Variants in LZTS1 observed in about 807,000 individuals in gnomAD.
LZTS1 encodes the protein leucine zipper tumor suppressor 1.
Under a neutral mutation model 45.8 loss-of-function variants are expected in LZTS1, and 31 were observed. That is an observed-to-expected ratio of 0.68 (90% CI 0.51 to 0.91). The LOEUF is 0.91. Ranked by LOEUF, LZTS1 falls within the 40% of genes least tolerant of loss-of-function variation. LZTS1 has a pLI of 0.00. For synonymous variants in LZTS1, 359 were observed against 357.3 expected, an observed-to-expected ratio of 1.00 and a Z score of -0.05; for missense variants, 821 against 788.9, an observed-to-expected ratio of 1.04 and a Z score of -0.49.
At chr8:20,278,526 C>A (rs936570032) in intron 1 of LZTS1, among the ~76,000 whole-genome samples, 2 of 152,202 alleles carry the variant, frequency 1.3e-5, no homozygotes, top group African/African-American at 2.4e-5. Flanking sequence ...CTCTTACAAG[C>A]GTGCTTCACT....
chr8:20,248,322 A>G lies in LZTS1; in HGVS notation c.*1400T>C, dbSNP rs1178620819. 1 of 152,330 alleles carries G rather than the reference A, an allele frequency of 6.6e-6. No homozygotes were observed. Among genetic ancestry groups the G allele is most frequent in the Non-Finnish European group, 1.5e-5 (1 of 68,162 alleles). 9.4% of individuals were successfully genotyped at this position (152,330 alleles called of 1,614,324 possible). A position where few individuals can be genotyped will look rare whatever the true frequency, so the allele number is the denominator to read the frequency against. ...GGGACAGAGCAAGACCCTGTCTCAT[A>G]AAATTAAAAATAAAATCCCTGAACC... On this transcript the variant is annotated 3_prime_UTR_variant, in exon 4 of 4. Coordinates refer to ENST00000381569, the MANE Select transcript of LZTS1 (RefSeq NM_021020.5).
intron 1 of LZTS1, among the ~76,000 whole-genome samples, chr8:20,284,941 A>C (rs1800761255): frequency 6.6e-6 from 1 of 152,160 alleles, no homozygotes; most frequent in Admixed American, 6.5e-5. Flanking sequence ...AAAGGCTGTG[A>C]TCGAAACTGA....
intron 1 of LZTS1, among the ~76,000 whole-genome samples, chr8:20,268,081 G>T (rs145651294): frequency 1.1e-4 from 17 of 152,146 alleles, no homozygotes; most frequent in Admixed American, 2.0e-4. Flanking sequence ...AAATTATAGA[G>T]CAGTATGGAA....
chr8:20,288,758 G>A (rs940707559), intron 1 of LZTS1, among the ~76,000 whole-genome samples: 4 of 151,746 alleles, frequency 2.6e-5, no homozygotes, highest in Non-Finnish European at 4.4e-5. Flanking sequence ...CCAACTCTGC[G>A]CCCAACCTGC....
intron 1 of LZTS1, among the ~76,000 whole-genome samples, chr8:20,271,972 G>A (rs1319948390): frequency 6.6e-6 from 1 of 152,194 alleles, no homozygotes; most frequent in African/African-American, 2.4e-5. Context: ...CAGGTAGAAA[G>A]AACAGCCACT....
chr8:20,274,961 C>CTGTGTGTGTGTGTGTGTGTGTGTGTG (rs34482608), intron 1 of LZTS1, among the ~76,000 whole-genome samples: 1,523 of 125,674 alleles, frequency 0.012, 52 homozygotes, highest in African/African-American at 0.038. Flanking sequence ...TGCCATGATA[C>CTGTGTGTGTGTGTGTGTGTGTGTGTG]TGTGTGTGTG....
At chr8:20,275,146 A>G (rs1800553472) in intron 1 of LZTS1, among the ~76,000 whole-genome samples, 1 of 152,176 alleles carries the variant, frequency 6.6e-6, no homozygotes, top group Admixed American at 6.5e-5. Flanking sequence ...TCAAGCCTGT[A>G]ATCCCAGTAC....
chr8:20,298,351 C>T (rs147942520), intron 1 of LZTS1, among the ~76,000 whole-genome samples: 18 of 152,302 alleles, frequency 1.2e-4, no homozygotes, highest in East Asian at 3.9e-4. Flanking sequence ...CATGAGCCAC[C>T]GTGCCCAGCC....
At chr8:20,299,279 CA>C (rs1447440067) in intron 1 of LZTS1, among the ~76,000 whole-genome samples, 1 of 152,228 alleles carries the variant, frequency 6.6e-6, no homozygotes. Flanking sequence ...ATACCCTCCT[CA>C]GGTTCAACTT....
intron 1 of LZTS1, among the ~76,000 whole-genome samples, chr8:20,299,758 TC>T (rs147902794): frequency 0.012 from 1,862 of 152,138 alleles, 34 homozygotes; most frequent in African/African-American, 0.042. Context: ...CCAGATTACC[TC>T]CCCAAACATG....
chr8:20,292,726 C>G (rs1244488915), intron 1 of LZTS1, among the ~76,000 whole-genome samples: 1 of 152,132 alleles, frequency 6.6e-6, no homozygotes. Flanking sequence ...AACCTGCCTA[C>G]CATTGAGGTC....
intron 1 of LZTS1, among the ~76,000 whole-genome samples, chr8:20,285,704 C>T (rs1800780529): frequency 6.6e-6 from 1 of 152,136 alleles, no homozygotes; most frequent in African/African-American, 2.4e-5. Flanking sequence ...AGCTTAGATA[C>T]TAAAATGCAA....
intron 1 of LZTS1, among the ~76,000 whole-genome samples, chr8:20,287,646 A>C (rs12546414): frequency 0.36 from 54,404 of 151,838 alleles, 9,907 homozygotes; most frequent in Middle Eastern, 0.41. Context: ...GCTGCCCGGG[A>C]CCAGGCATGG....
chr8:20,271,106 G>A (rs1233892238), intron 1 of LZTS1, among the ~76,000 whole-genome samples: 2 of 152,114 alleles, frequency 1.3e-5, no homozygotes, highest in Non-Finnish European at 2.9e-5. Context: ...GCACAAGCCA[G>A]GAAGCCTGTG....
At chr8:20,267,227 C>T (rs531950200) in intron 1 of LZTS1, among the ~76,000 whole-genome samples, 2 of 152,180 alleles carry the variant, frequency 1.3e-5, no homozygotes, top group South Asian at 2.1e-4. Flanking sequence ...TTTCTGGCAT[C>T]GTCCTTGTGT....
chr8:20,266,017 C>G (rs999427831), intron 1 of LZTS1, among the ~76,000 whole-genome samples: 1 of 151,896 alleles, frequency 6.6e-6, no homozygotes, highest in Non-Finnish European at 1.5e-5. Flanking sequence ...ATAATAGATG[C>G]TCAACAATTT....
At position 20,253,245 on chromosome 8, in the gene LZTS1, G is replaced by A. The variant is rs539490732; in HGVS notation, c.686C>T (p.Ala229Val). The A allele has an allele frequency of 8.1e-6, 13 of 1,613,952 alleles. No individual in the cohort carries two copies. Among genetic ancestry groups the A allele is most frequent in the Non-Finnish European group, 1.1e-5 (13 of 1,180,050 alleles). Residue 229 changes from alanine to valine, a missense_variant, in exon 3 of 4, where the codon GCT becomes GTT. Physicochemically the swap from Ala to Val is moderately conservative, Grantham distance 64. Coordinates refer to ENST00000381569, the MANE Select transcript of LZTS1 (RefSeq NM_021020.5). Reference protein sequence around the residue: ...LQDSNMMSLKALSFSDGGSKL... With the variant: ...LQDSNMMSLKVLSFSDGGSKL... ...GCTACCTCCGTCGGAGAAGGACAGA[G>A]CCTTCAGGCTCATCATGTTGCTGTC...
chr8:20,286,752 A>G (rs1283838220), intron 1 of LZTS1, among the ~76,000 whole-genome samples: 2 of 152,256 alleles, frequency 1.3e-5, no homozygotes, highest in African/African-American at 2.4e-5. Context: ...TGCACAGTAG[A>G]ATGAATGGGC....
Position 20,250,077 on chromosome 8 carries a change from C to CGCAGCTCCT in LZTS1, c.1427_1435dup (p.Gln476_Leu478dup), listed in dbSNP as rs753892528. The CGCAGCTCCT allele has an allele frequency of 1.3e-5, 21 of 1,607,184 alleles. No homozygotes were observed. In the South Asian group the frequency reaches 1.9e-4, roughly 14 times the overall value. On this transcript the variant is annotated inframe_insertion, in exon 4 of 4. Coordinates refer to ENST00000381569, the MANE Select transcript of LZTS1 (RefSeq NM_021020.5). ...GTCGCGGGCCAGGGCGGCCTGGGCCCGCAGCTCCTGCAGCTCCTGCTCCAG... is the reference window on the plus strand; with the variant it reads ...GTCGCGGGCCAGGGCGGCCTGGGCCCGCAGCTCCTGCAGCTCCTGCAGCTCCTGCTCCAG...
Sources: gnomAD v4.1 joint callset for allele counts (sites outside exome capture counted in the v4.1 genomes callset) on GRCh38, gnomAD v4.1.1 for gene constraint, MANE v1.5 for transcripts, NCBI Gene and HGNC (gene_info 2026-07-23, HGNC 2026-07-21) for gene names.